The following ANKFN1 variants were observed in gnomAD, a reference collection of about 807,000 sequenced individuals.
ANKFN1 encodes the protein ankyrin repeat and fibronectin type-III domain-containing protein 1.
ANKFN1 carries 74 observed loss-of-function variants against 108.7 expected under a neutral mutation model. The ratio of observed to expected loss-of-function variants is 0.68; its 90% CI spans 0.56 to 0.83. ANKFN1 has a LOEUF of 0.83. Ranked by LOEUF, ANKFN1 falls within the 40% of genes least tolerant of loss-of-function variation. ANKFN1 has a pLI of 0.00. For missense variants in ANKFN1, 1,505 were observed against 1,382.3 expected, an observed-to-expected ratio of 1.09 and a Z score of -1.41; for synonymous variants, 547 against 516.2, an observed-to-expected ratio of 1.06 and a Z score of -0.81.
intron 3 of ANKFN1, among the ~76,000 whole-genome samples, chr17:56,295,444 G>C (rs112458257): frequency 1.3e-5 from 2 of 152,188 alleles, no homozygotes; most frequent in African/African-American, 4.8e-5. Flanking sequence ...AGCAGCAGCT[G>C]CTTGGGTCTC....
At chr17:56,310,748 T>TGTG (rs2044997197) in intron 3 of ANKFN1, among the ~76,000 whole-genome samples, 3 of 150,084 alleles carry the variant, frequency 2.0e-5, no homozygotes, top group African/African-American at 7.4e-5. Flanking sequence ...CACAATTACT[T>TGTG]TGTGTGTGTG....
rs563571613 is a variant in ANKFN1, at chr17:56,099,878, T to A, written c.288+53553T>A. Among the ~76,000 whole-genome samples the A allele has an allele frequency of 5.9e-5, 9 of 152,298 alleles. No homozygotes were observed. In the East Asian group the frequency reaches 1.7e-3, roughly 29 times the overall value. The stretch of plus-strand genomic sequence containing the variant: ...ACTGGGACTCTAGCCAATGGGTAAC[T>A]TTACAGAAGGACATTCACTGGAGAG... On this transcript the variant is annotated intron_variant, in intron 4 of 12. Transcript: ENST00000635860.
chr17:56,049,554 A>C (rs1904738890), intron 4 of ANKFN1, among the ~76,000 whole-genome samples: 2 of 147,682 alleles, frequency 1.4e-5, no homozygotes, highest in African/African-American at 5.1e-5. Flanking sequence ...CCCCGACCCC[A>C]CCACAGTCCC....
chr17:56,332,376 AT>A (rs2045688669), intron 4 of ANKFN1, among the ~76,000 whole-genome samples: 1 of 151,638 alleles, frequency 6.6e-6, no homozygotes, highest in African/African-American at 2.4e-5. Context: ...CCAATGTACT[AT>A]TTTTTTCCTA....
intron 4 of ANKFN1, among the ~76,000 whole-genome samples, chr17:56,070,788 G>A (rs1379923291): frequency 6.6e-6 from 1 of 150,526 alleles, no homozygotes; most frequent in East Asian, 2.0e-4. Flanking sequence ...AGGCTGGGGT[G>A]CAGTGGCGCG....
intron 4 of ANKFN1, among the ~76,000 whole-genome samples, chr17:56,052,182 A>G (rs1166812406): frequency 6.6e-6 from 1 of 152,222 alleles, no homozygotes; most frequent in African/African-American, 2.4e-5. Flanking sequence ...CTACAAGGCT[A>G]CAGTAACCAA....
At chr17:56,467,731 GAAAGAAAGAAAC>G (rs1450715913) in intron 15 of ANKFN1, among the ~76,000 whole-genome samples, 30 of 120,738 alleles carry the variant, frequency 2.5e-4, no homozygotes, top group South Asian at 2.0e-3. Context: ...AAGAAAGAGA[GAAAGAAAGAAAC>G]AAAGAAAGAA....
intron 2 of ANKFN1, among the ~76,000 whole-genome samples, chr17:56,213,848 A>G (rs1915223555): frequency 6.6e-6 from 1 of 152,224 alleles, no homozygotes; most frequent in South Asian, 2.1e-4. Flanking sequence ...GTTCACTTAA[A>G]CATTTCATAT....
chr17:56,450,100 G>A (rs1233445372), intron 11 of ANKFN1, among the ~76,000 whole-genome samples: 2 of 152,100 alleles, frequency 1.3e-5, no homozygotes, highest in African/African-American at 4.8e-5. Context: ...ACTCCATTGT[G>A]CGCTGTAGAT....
chr17:56,064,837 C>CTAGG (rs576051374), intron 4 of ANKFN1, among the ~76,000 whole-genome samples: 549 of 152,314 alleles, frequency 3.6e-3, no homozygotes, highest in Non-Finnish European at 6.3e-3. Flanking sequence ...GGTTGGGATG[C>CTAGG]TAGGCCCCGG....
At chr17:56,474,941 G>A (rs2050449345) in intron 15 of ANKFN1, among the ~76,000 whole-genome samples, 1 of 152,016 alleles carries the variant, frequency 6.6e-6, no homozygotes, top group Non-Finnish European at 1.5e-5. Context: ...TTGGCCAAGT[G>A]ATCTTTTAAA....
chr17:56,431,655 A>T (rs1268583131), intron 8 of ANKFN1, among the ~76,000 whole-genome samples: 1 of 152,212 alleles, frequency 6.6e-6, no homozygotes, highest in Non-Finnish European at 1.5e-5. Context: ...TTAAAATTAT[A>T]AGGAGGAAAA....
At chr17:56,449,400 C>T (rs972059516) in intron 11 of ANKFN1, among the ~76,000 whole-genome samples, 2 of 152,014 alleles carry the variant, frequency 1.3e-5, no homozygotes, top group Non-Finnish European at 2.9e-5. Context: ...TCCCTCTCTC[C>T]ATATGAACGG....
chr17:56,496,212 G>A (rs891804284), intron 19 of ANKFN1, among the ~76,000 whole-genome samples: 4 of 151,942 alleles, frequency 2.6e-5, no homozygotes, highest in South Asian at 2.1e-4. Flanking sequence ...ACCTCTTCAC[G>A]TCACTGAGAA....
chr17:56,423,310 A>C (rs2048466065), intron 8 of ANKFN1, among the ~76,000 whole-genome samples: 1 of 152,190 alleles, frequency 6.6e-6, no homozygotes, highest in African/African-American at 2.4e-5. Context: ...AAGTTGTGGC[A>C]ATTCCTACTC....
At chr17:56,309,191 T>C (rs2044935391) in intron 3 of ANKFN1, among the ~76,000 whole-genome samples, 1 of 152,176 alleles carries the variant, frequency 6.6e-6, no homozygotes, top group African/African-American at 2.4e-5. Flanking sequence ...TAGACATTAC[T>C]TTTTTTGATG....
intron 8 of ANKFN1, among the ~76,000 whole-genome samples, chr17:56,377,894 T>A (rs2046986641): frequency 6.6e-6 from 1 of 151,802 alleles, no homozygotes; most frequent in Non-Finnish European, 1.5e-5. Flanking sequence ...CACCTTGGGG[T>A]TTGCTAATTA....
Position 56,477,561 on chromosome 17 carries a change from G to C in ANKFN1, c.1847G>C (p.Cys616Ser). The C allele has an allele frequency of 1.2e-6, 2 of 1,611,042 alleles. No individual in the cohort carries two copies. The highest frequency in any genetic ancestry group is 2.2e-5 in the East Asian group (1 of 44,746). ...PGLYLGYLKL[C>S]SSVDQIKVLV... ...TTATATCTGGGTTACCTAAAGCTCTGTAGCTCTGTGGATCAAATCAAAGTT... is the reference window on the plus strand; with the variant it reads ...TTATATCTGGGTTACCTAAAGCTCTCTAGCTCTGTGGATCAAATCAAAGTT... Residue 616 changes from cysteine (C) to serine (S), a missense_variant, in exon 16 of 21, where the codon TGT becomes TCT. By Grantham distance (112) the Cys-to-Ser change is moderately radical (BLOSUM62 -1). Transcript: ENST00000682825.
chr17:56,283,920 T>C (rs2044152065), intron 3 of ANKFN1, among the ~76,000 whole-genome samples: 1 of 152,156 alleles, frequency 6.6e-6, no homozygotes, highest in African/African-American at 2.4e-5. Context: ...TATTCTTTTT[T>C]AACCACCACA....
Sources: allele counts gnomAD v4.1 joint callset (sites outside exome capture counted in the v4.1 genomes callset), GRCh38; gene constraint gnomAD v4.1.1; transcripts MANE v1.5; gene names NCBI Gene and HGNC (gene_info 2026-07-23, HGNC 2026-07-21).